Variants in SLC22A14 observed in about 807,000 individuals in gnomAD.
The protein encoded by SLC22A14 is organic cation transporter-like 4.
In SLC22A14, 50 loss-of-function variants were observed where a neutral mutation model predicts 53.9. The ratio of observed to expected loss-of-function variants is 0.93; its 90% CI spans 0.74 to 1.17. The LOEUF is 1.17. Among genes scored for constraint, SLC22A14 ranks in the 50% most tolerant of loss-of-function variants. The pLI, the probability that SLC22A14 is intolerant of heterozygous loss-of-function variation, is 0.00. For missense variants in SLC22A14, 671 were observed against 734.7 expected, an observed-to-expected ratio of 0.91 and a Z score of 1.00; for synonymous variants, 312 against 303.0, an observed-to-expected ratio of 1.03 and a Z score of -0.31.
At position 38,306,353 on chromosome 3, in the gene SLC22A14, C is replaced by T. The variant is rs2125885639; in HGVS notation, c.327C>T (p.His109=). 5 of 1,614,214 alleles carry T rather than the reference C, an allele frequency of 3.1e-6. 1 individual carries two copies. In the East Asian group the frequency reaches 1.1e-4, roughly 36 times the overall value. ...NTSWILAVGP[H]LSKAEQLNLT... ...GCTGGATCCTGGCAGTGGGCCCCCA[C>T]CTGTCCAAAGCTGAGCAGCTGAATC... The change falls in exon 2 of 11, where the codon CAC becomes CAT. Residue 109 remains histidine (H), a synonymous_variant. Transcript: ENST00000448498.
chr3:38,311,667 C>T (rs1704470941), intron 5 of SLC22A14, among the ~76,000 whole-genome samples: 1 of 152,220 alleles, frequency 6.6e-6, no homozygotes, highest in Non-Finnish European at 1.5e-5. Flanking sequence ...CCTTCTTTCA[C>T]AAACACTAAG....
intron 1 of SLC22A14, among the ~76,000 whole-genome samples, chr3:38,302,277 T>A (rs959257433): frequency 6.8e-6 from 1 of 146,792 alleles, no homozygotes; most frequent in Admixed American, 6.9e-5. Context: ...TATTTATATA[T>A]ACACATATAT....
intron 1 of SLC22A14, among the ~76,000 whole-genome samples, chr3:38,301,202 C>G (rs1704152763): frequency 6.6e-6 from 1 of 152,182 alleles, no homozygotes; most frequent in African/African-American, 2.4e-5. Context: ...TCAAGCAGTC[C>G]TTTCTGAACA....
upstream of SLC22A14, among the ~76,000 whole-genome samples, chr3:38,279,787 G>T (rs977877321): frequency 3.1e-4 from 47 of 152,288 alleles, no homozygotes; most frequent in Middle Eastern, 3.4e-3. Flanking sequence ...GACCCTGGTT[G>T]TGTATCTCCT....
At chr3:38,293,731 A>G (rs1374316846) in intron 1 of SLC22A14, among the ~76,000 whole-genome samples, 2 of 152,092 alleles carry the variant, frequency 1.3e-5, no homozygotes, top group African/African-American at 4.8e-5. Context: ...TGCGGCACCA[A>G]TTTCCATGTT....
In SLC22A14 at chr3:38,306,140, A is replaced by T. The variant is rs1032928291; in HGVS notation, c.114A>T (p.Leu38Phe). The change falls in exon 2 of 11, where the codon TTA (leucine) becomes TTT (phenylalanine). Residue 38 changes from leucine (L) to phenylalanine (F), a missense_variant. By Grantham distance (22) the Leu-to-Phe change is conservative. Coordinates refer to ENST00000448498, the MANE Select transcript of SLC22A14 (RefSeq NM_001320033.2). ...HPHSWSLEML[L>F]RRLRAVHTKQ... ...ATTCCTGGTCTCTGGAGATGCTGTTACGCAGATTGAGGGCTGTCCACACCA... is the reference window on the plus strand; with the variant it reads ...ATTCCTGGTCTCTGGAGATGCTGTTTCGCAGATTGAGGGCTGTCCACACCA... The T allele has an allele frequency of 6.2e-7, 1 of 1,614,020 alleles. No homozygotes were observed. Among genetic ancestry groups the T allele is most frequent in the African/African-American group, 1.3e-5 (1 of 74,910 alleles).
In SLC22A14 at chr3:38,317,460, C is replaced by G. The variant is rs116689061; in HGVS notation, c.1734-738C>G. Among the ~76,000 whole-genome samples, 7 of 152,126 alleles carry G rather than the reference C, an allele frequency of 4.6e-5. No individual in the cohort carries two copies. The South Asian group carries it at 1.5e-3, about 32-fold the overall frequency. On this transcript the variant is annotated intron_variant, in intron 10 of 10. Coordinates refer to ENST00000448498, the MANE Select transcript of SLC22A14 (RefSeq NM_001320033.2). ...CTGTAGGAACCTAACAAGGGAAGAA[C>G]GTTAATTTGGGGAGTTGGAGAAAAT...
chr3:38,285,856 A>C (rs1296687805), intron 1 of SLC22A14, among the ~76,000 whole-genome samples: 6 of 152,236 alleles, frequency 3.9e-5, no homozygotes, highest in African/African-American at 1.4e-4. Context: ...AGACAATGCC[A>C]AATTGTTTTC....
At chr3:38,290,274 C>G (rs568742399) in intron 1 of SLC22A14, among the ~76,000 whole-genome samples, 14 of 152,250 alleles carry the variant, frequency 9.2e-5, no homozygotes, top group Non-Finnish European at 2.1e-4. Flanking sequence ...TAGTAGGGGT[C>G]ATGCAGTTGA....
At position 38,307,813 on chromosome 3, in the gene SLC22A14, C is replaced by T. The variant is rs1043325963; in HGVS notation, c.775+93C>T. 6.1e-5 allele frequency: 86 copies of T among 1,410,072 alleles called. No homozygotes were observed. Among genetic ancestry groups the T allele is most frequent in the African/African-American group, 1.8e-4 (13 of 70,908 alleles). 87.3% of individuals were successfully genotyped at this position (1,410,072 alleles called of 1,614,324 possible). A position where few individuals can be genotyped will look rare whatever the true frequency, so the allele number is the denominator to read the frequency against. ...GGGGACATAGTGGCAGGGGGCGTGG[C>T]GGCATAGGCAGATGGCAAGGGGGCG... On this transcript the variant is annotated intron_variant, in intron 4 of 10. Coordinates refer to ENST00000448498, the MANE Select transcript of SLC22A14 (RefSeq NM_001320033.2). This position sits in a 1 kb window ranked among gnomAD's most constrained non-coding sequence, Gnocchi z 4.4.
intron 5 of SLC22A14, among the ~76,000 whole-genome samples, chr3:38,310,779 A>G (rs919343740): frequency 6.6e-6 from 1 of 152,076 alleles, no homozygotes; most frequent in African/African-American, 2.4e-5. Context: ...ATCCTAGCAC[A>G]TGGGGTGCCT....
intron 1 of SLC22A14, among the ~76,000 whole-genome samples, chr3:38,294,908 T>C (rs1454969290): frequency 6.6e-6 from 1 of 152,232 alleles, no homozygotes; most frequent in Non-Finnish European, 1.5e-5. Context: ...ACAGTTCTTA[T>C]GCAGATTCAT....
intron 1 of SLC22A14, among the ~76,000 whole-genome samples, chr3:38,295,134 A>G (rs1397183990): frequency 6.6e-6 from 1 of 152,100 alleles, no homozygotes; most frequent in Admixed American, 6.5e-5. Context: ...GAAACCATCT[A>G]TTGTCCTGTC....
chr3:38,312,016 G>A (rs572168469), intron 5 of SLC22A14, among the ~76,000 whole-genome samples: 1 of 152,302 alleles, frequency 6.6e-6, no homozygotes, highest in African/African-American at 2.4e-5. Flanking sequence ...AATGATGACT[G>A]ATTGCTGAAC....
intron 1 of SLC22A14, among the ~76,000 whole-genome samples, chr3:38,303,086 T>C (rs113766838): frequency 7.2e-4 from 110 of 152,228 alleles, no homozygotes; most frequent in Non-Finnish European, 1.2e-3. Flanking sequence ...CCTTTTTGCA[T>C]ATATAAAAGA....
At chr3:38,302,389 GT>G (rs997042139) in intron 1 of SLC22A14, among the ~76,000 whole-genome samples, 4 of 147,962 alleles carry the variant, frequency 2.7e-5, no homozygotes, top group African/African-American at 9.9e-5. Context: ...GGTTAAAACT[GT>G]TTTTAACTGG....
rs756404278 is a variant in SLC22A14 at position 38,315,685 on chromosome 3, C to T, written c.1506C>T (p.Thr502=). The T allele has an allele frequency of 3.7e-5, 59 of 1,613,820 alleles. 1 individual carries two copies. The highest frequency in any genetic ancestry group is 3.0e-4 in the South Asian group (27 of 91,074). The change falls in exon 9 of 11, where the codon ACC becomes ACT. Residue 502 remains threonine, a synonymous_variant. Coordinates refer to ENST00000448498, the MANE Select transcript of SLC22A14 (RefSeq NM_001320033.2). ...CTGTCACTGTGTTCTTCCTCTACAC[C>T]GCTGAGCTCCTCCCCACTGTGCTCA... is the stretch of plus-strand genomic sequence containing the variant. The part of the protein sequence containing the change: ...AATVTVFFLY[T]AELLPTVLRA...
At chr3:38,289,137 C>T (rs1703853195) in intron 1 of SLC22A14, among the ~76,000 whole-genome samples, 1 of 133,352 alleles carries the variant, frequency 7.5e-6, no homozygotes, top group Admixed American at 8.8e-5. Flanking sequence ...ATGATTGTGC[C>T]ACTGCAATCC....
chr3:38,286,429 T>TC (rs1292348069), intron 1 of SLC22A14, among the ~76,000 whole-genome samples: 2 of 151,904 alleles, frequency 1.3e-5, no homozygotes, highest in African/African-American at 2.4e-5. Context: ...TTCTTTTTTT[T>TC]TTTTTTAGAC....
Sources: allele counts gnomAD v4.1 joint callset (sites outside exome capture counted in the v4.1 genomes callset), GRCh38; gene constraint gnomAD v4.1.1; non-coding constraint Gnocchi (gnomAD v3.1); transcripts MANE v1.5; gene names NCBI Gene and HGNC (gene_info 2026-07-23, HGNC 2026-07-21).